ARSD: variants seen among roughly 807,000 people sequenced by gnomAD.
The protein encoded by ARSD is arylsulfatase D.
ARSD carries 21 observed loss-of-function variants against 32.6 expected under a neutral mutation model. The ratio of observed to expected loss-of-function variants is 0.64; its 90% CI spans 0.46 to 0.93. The LOEUF is 0.93. Ranked by LOEUF, ARSD falls within the 40% of genes least tolerant of loss-of-function variation. ARSD has a pLI of 0.00. For synonymous variants in ARSD, 224 were observed against 237.4 expected, an observed-to-expected ratio of 0.94 and a Z score of 0.52; for missense variants, 454 against 520.9, an observed-to-expected ratio of 0.87 and a Z score of 1.25.
rs762646315 is a variant in ARSD, at chrX:2,918,161, C to G, written c.506G>C (p.Gly169Ala). 8.4e-7 allele frequency: 1 copy of G among 1,197,315 alleles called. No homozygotes were observed. Among genetic ancestry groups the G allele is most frequent in the Non-Finnish European group, 1.1e-6 (1 of 886,540 alleles). ...GGGCATGCCGTAGAAATAGTCAAATCCGTGGTTCAGGGGGTGGTGGCAGTG... is the reference window on the plus strand; with the variant it reads ...GGGCATGCCGTAGAAATAGTCAAATGCGTGGTTCAGGGGGTGGTGGCAGTG... The part of the protein sequence containing the change: ...GDHCHHPLNH[G>A]FDYFYGMPFT... The change falls in exon 5 of 10, where the codon GGA becomes GCA. Residue 169 changes from glycine to alanine, a missense_variant. Gly to Ala is a moderately conservative substitution (Grantham distance 60). Transcript: ENST00000381154.
In ARSD at chrX:2,908,238, T is replaced by TCTATCTATCTATCTATCTATCTATCTAC. The variant is rs1246747571; in HGVS notation, c.1420+482_1420+483insGTAGATAGATAGATAGATAGATAGATAG. ...ATGAACTGATTCTACTTTTTATCTA[T>TCTATCTATCTATCTATCTATCTATCTAC]CTATCTATCTATCATCTATCTTATC... is the stretch of plus-strand genomic sequence containing the variant. On this transcript the variant is annotated intron_variant, in intron 9 of 9. Transcript: ENST00000381154. Among the ~76,000 whole-genome samples, 478 of 111,344 alleles carry TCTATCTATCTATCTATCTATCTATCTAC rather than the reference T, an allele frequency of 4.3e-3. 6 individuals are homozygous for TCTATCTATCTATCTATCTATCTATCTAC. Among genetic ancestry groups the TCTATCTATCTATCTATCTATCTATCTAC allele is most frequent in the African/African-American group, 0.015 (455 of 30,539 alleles).
intron 1 of ARSD, among the ~76,000 whole-genome samples, chrX:2,928,808 T>TAGGG (rs2089118838): frequency 9.0e-6 from 1 of 110,662 alleles, no homozygotes; most frequent in Admixed American, 9.4e-5. Flanking sequence ...GGGCGGGTCT[T>TAGGG]AGGGAGCCTT....
In ARSD at chrX:2,908,836, A is replaced by C; in HGVS notation, c.1305T>G (p.Ile435Met). 1 of 1,210,721 alleles carries C rather than the reference A, an allele frequency of 8.3e-7. No individual in the cohort carries two copies. Among genetic ancestry groups the C allele is most frequent in the Non-Finnish European group, 1.1e-6 (1 of 895,155 alleles). ...GCAAGGGTACCAGGCTGTGGCCATCAATCACCCTGATTTCATGAAGAGAAC... is the reference window on the plus strand; with the variant it reads ...GCAAGGGTACCAGGCTGTGGCCATCCATCACCCTGATTTCATGAAGAGAAC... ...VGGEVPQDRV[I>M]DGHSLVPLLQ... The change falls in exon 9 of 10, where the codon ATT (isoleucine) becomes ATG (methionine). Residue 435 changes from isoleucine to methionine, a missense_variant. Physicochemically the swap from Ile to Met is conservative, Grantham distance 10 (BLOSUM62 1). Around this residue, in one of 3 missense-constraint regions of ARSD, gnomAD observed 179 missense variants for 198.5 expected, o/e 0.90. Coordinates refer to ENST00000381154, the MANE Select transcript of ARSD (RefSeq NM_001669.4).
intron 9 of ARSD, 68 bp downstream of exon 9, chrX:2,908,653 T>C (rs2088876045): frequency 9.7e-7 from 1 of 1,028,312 alleles, no homozygotes; most frequent in East Asian, 3.5e-5. Context: ...CATCCATCCA[T>C]CCACATATCC....
intron 6 of ARSD, chrX:2,913,604 C>T (rs2088921566): frequency 3.0e-6 from 3 of 1,007,054 alleles, no homozygotes; most frequent in Non-Finnish European, 3.9e-6. Flanking sequence ...TCTGCAGCCT[C>T]GTTGGTCCTC....
At chrX:2,928,301 G>T (rs186702088) in intron 1 of ARSD, among the ~76,000 whole-genome samples, 4,868 of 99,828 alleles carry the variant, frequency 0.049, 351 homozygotes, top group African/African-American at 0.17. Flanking sequence ...GAGAAGTCTT[G>T]GGGGGTGACC....
Position 2,903,979 on chromosome X carries a change from A to G in ARSD, c.*3292T>C, listed in dbSNP as rs1020565137. On this transcript the variant is annotated 3_prime_UTR_variant, in exon 10 of 10. Transcript: ENST00000381154. Reference sequence around the variant, plus strand: ...CAAACAAATGACACCATCCAGGGAGATTTGTCACATTTTATTCAGTATTTC... The same window carrying G: ...CAAACAAATGACACCATCCAGGGAGGTTTGTCACATTTTATTCAGTATTTC... 3 of 110,944 alleles carry G rather than the reference A, an allele frequency of 2.7e-5. No individual in the cohort carries two copies. Among genetic ancestry groups the G allele is most frequent in the Non-Finnish European group, 5.7e-5 (3 of 52,982 alleles). The allele number at this position is 110,944 out of a possible 1,213,427, so 9.1% of individuals were successfully genotyped here.
At chrX:2,908,936 C>T (rs992543651) in intron 8 of ARSD, 94 bp from the exon 9 acceptor site, 2 of 1,154,731 alleles carry the variant, frequency 1.7e-6, no homozygotes, top group African/African-American at 1.8e-5. Context: ...ATGCAAGGCT[C>T]CCCAGCAAAT....
rs755654864 is a variant in ARSD at position 2,910,837 on chromosome X, G to C, written c.1001-44C>G. The C allele has an allele frequency of 8.5e-6, 10 of 1,183,041 alleles. No homozygotes were observed. The African/African-American group carries it at 1.8e-4, about 21-fold the overall frequency. ...GTTTCAGGACCAAGAAAACAAAGCAGCATCCACTAGTTCAATGCGCTTCTT... is the reference window on the plus strand; with the variant it reads ...GTTTCAGGACCAAGAAAACAAAGCACCATCCACTAGTTCAATGCGCTTCTT... On this transcript the variant is annotated intron_variant, in intron 6 of 9. Transcript: ENST00000381154.
In ARSD at chrX:2,929,322, C is replaced by T. The variant is rs2089128689; in HGVS notation, c.-47G>A. On this transcript the variant is annotated 5_prime_UTR_variant, in exon 1 of 10. Coordinates refer to ENST00000381154, the MANE Select transcript of ARSD (RefSeq NM_001669.4). ...GCAGGACCTTGCCCTGCGCACTCCG[C>T]GCCCGGGCGCCGCTAGTGCCAAGGC... 2.2e-6 allele frequency: 2 copies of T among 923,683 alleles called. No individual in the cohort carries two copies. Among genetic ancestry groups the T allele is most frequent in the African/African-American group, 4.1e-5 (2 of 48,851 alleles). 76.1% of individuals were successfully genotyped at this position (923,683 alleles called of 1,213,427 possible).
chrX:2,908,076 C>T (rs2088867466), intron 9 of ARSD: 1 of 450,891 alleles, frequency 2.2e-6, no homozygotes. Flanking sequence ...ATCAATCCAT[C>T]CATTTATCTT....
intron 2 of ARSD, among the ~76,000 whole-genome samples, chrX:2,924,596 G>A (rs1175825602): frequency 1.8e-5 from 2 of 113,259 alleles, no homozygotes; most frequent in Admixed American, 9.3e-5. Flanking sequence ...GTTTGCACAT[G>A]CCACTGCAGT....
chrX:2,921,048 G>A (rs1203110871), intron 3 of ARSD, among the ~76,000 whole-genome samples: 3 of 111,306 alleles, frequency 2.7e-5, no homozygotes, highest in Non-Finnish European at 5.7e-5. Context: ...GCGTGGAGCC[G>A]AGTGATGCTG....
At chrX:2,928,081 G>GA (rs2089103153) in intron 1 of ARSD, among the ~76,000 whole-genome samples, 1 of 111,081 alleles carries the variant, frequency 9.0e-6, no homozygotes, top group South Asian at 3.9e-4. Context: ...AAAACGCCAA[G>GA]AACCTGGACA....
chrX:2,912,634 G>A (rs2088911948), intron 6 of ARSD, among the ~76,000 whole-genome samples: 1 of 111,332 alleles, frequency 9.0e-6, no homozygotes, highest in South Asian at 3.9e-4. Context: ...AACACACAAC[G>A]CCAAGAGGTT....
chrX:2,907,848 G>A (rs1223722661), intron 9 of ARSD: 3 of 956,969 alleles, frequency 3.1e-6, no homozygotes, highest in Non-Finnish European at 2.6e-6. Flanking sequence ...TTGTGTCTCT[G>A]CATTGCATGC....
intron 1 of ARSD, among the ~76,000 whole-genome samples, chrX:2,927,484 G>C (rs1047576605): frequency 9.0e-6 from 1 of 110,620 alleles, no homozygotes; most frequent in Non-Finnish European, 1.9e-5. Context: ...GTAGAGACGG[G>C]ATTTCACCAT....
intron 6 of ARSD, among the ~76,000 whole-genome samples, chrX:2,911,902 G>A (rs2088906004): frequency 1.8e-5 from 2 of 111,287 alleles, no homozygotes; most frequent in Admixed American, 1.9e-4. Context: ...TTGGGAGGCC[G>A]AGGCAGGAAG....
chrX:2,910,061 T>C lies in ARSD; in HGVS notation c.1136-82A>G, dbSNP rs1440905706. On this transcript the variant is annotated intron_variant, in intron 7 of 9. Transcript: ENST00000381154. ...ATCTGGATGTATTTGTGCATAGGTATGTGAATACGCACAGCCACCCGGATG... is the reference window on the plus strand; with the variant it reads ...ATCTGGATGTATTTGTGCATAGGTACGTGAATACGCACAGCCACCCGGATG... 7 of 1,133,293 alleles carry C rather than the reference T, an allele frequency of 6.2e-6. No homozygotes were observed. The Admixed American group carries it at 9.9e-5, about 16-fold the overall frequency. 93.4% of individuals were successfully genotyped at this position (1,133,293 alleles called of 1,213,427 possible). A position where few individuals can be genotyped will look rare whatever the true frequency, so the allele number is the denominator to read the frequency against.
Sources: allele counts gnomAD v4.1 joint callset (sites outside exome capture counted in the v4.1 genomes callset), GRCh38; gene constraint gnomAD v4.1.1; regional missense constraint gnomAD v4.1.1; transcripts MANE v1.5; gene names NCBI Gene and HGNC (gene_info 2026-07-23, HGNC 2026-07-21).